Variants in TDRD12 observed in about 807,000 individuals in gnomAD.
TDRD12 encodes putative ATP-dependent RNA helicase TDRD12.
TDRD12 carries 158 observed loss-of-function variants against 133.5 expected under a neutral mutation model. That is an observed-to-expected ratio of 1.18 (90% CI 1.04 to 1.35). The LOEUF is 1.35. Ranked by LOEUF, TDRD12 falls within the 40% of genes most tolerant of loss-of-function variation. TDRD12 has a pLI of 0.00. For synonymous variants in TDRD12, 460 were observed against 477.9 expected, an observed-to-expected ratio of 0.96 and a Z score of 0.49; for missense variants, 1,443 against 1,321.3, an observed-to-expected ratio of 1.09 and a Z score of -1.43.
At chr19:32,780,973 C>T (rs923430193) in intron 11 of TDRD12, among the ~76,000 whole-genome samples, 30 of 139,892 alleles carry the variant, frequency 2.1e-4, no homozygotes, top group East Asian at 2.1e-4. Context: ...GATGGAGTCT[C>T]GCTCTGTTGC....
rs556551443 is a variant in TDRD12 at position 32,786,805 on chromosome 19, A to G, written c.1122-3726A>G. 3.4e-4 allele frequency among the ~76,000 whole-genome samples: 51 copies of G among 152,202 alleles called. 1 individual carries two copies. The highest frequency in any genetic ancestry group is 1.2e-3 in the African/African-American group (49 of 41,508). On this transcript the variant is annotated intron_variant, in intron 11 of 27. Transcript: ENST00000444215. Reference sequence around the variant, plus strand: ...ATTTAAGCTCTTCTCTACACTGGTTATTCTAGTTAGCCATTCATCTGACCT... The same window carrying G: ...ATTTAAGCTCTTCTCTACACTGGTTGTTCTAGTTAGCCATTCATCTGACCT...
intron 4 of TDRD12, 42 bp from the exon 5 acceptor site, chr19:32,748,434 C>G (rs1023228006): frequency 3.9e-6 from 6 of 1,540,630 alleles, no homozygotes; most frequent in African/African-American, 2.8e-5. Flanking sequence ...GTGCTAGCCT[C>G]AGATTTTTAT....
chr19:32,793,761 A>G (rs1971136867), intron 13 of TDRD12, among the ~76,000 whole-genome samples: 1 of 149,290 alleles, frequency 6.7e-6, no homozygotes, highest in African/African-American at 2.5e-5. Flanking sequence ...CATCTATTGG[A>G]TCCTTTTAAT....
At chr19:32,750,071 T>C (rs1969779452) in intron 6 of TDRD12, among the ~76,000 whole-genome samples, 1 of 152,230 alleles carries the variant, frequency 6.6e-6, no homozygotes. Context: ...TGGCATTTTA[T>C]TTAAACATGG....
chr19:32,813,511 T>TAA (rs1279600589), intron 24 of TDRD12, among the ~76,000 whole-genome samples, 173 bp from the exon 25 acceptor site: 6 of 152,206 alleles, frequency 3.9e-5, no homozygotes, highest in Non-Finnish European at 8.8e-5. Context: ...CCTGCCTCAC[T>TAA]AAACTCTGCT....
intron 8 of TDRD12, among the ~76,000 whole-genome samples, chr19:32,763,811 A>G (rs1209285999): frequency 6.6e-6 from 1 of 152,146 alleles, no homozygotes; most frequent in Non-Finnish European, 1.5e-5. Flanking sequence ...CTGGTCCCAT[A>G]GAAGTTTATT....
intron 1 of TDRD12, among the ~76,000 whole-genome samples, chr19:32,726,113 C>T (rs1036883610): frequency 1.5e-4 from 22 of 149,926 alleles, no homozygotes; most frequent in Non-Finnish European, 3.1e-4. Flanking sequence ...CGGAGTCTTG[C>T]TCTGTCGCCC....
chr19:32,763,056 T>G (rs1189432984), intron 8 of TDRD12, among the ~76,000 whole-genome samples: 1 of 152,198 alleles, frequency 6.6e-6, no homozygotes, highest in Non-Finnish European at 1.5e-5. Flanking sequence ...TGCTAGGCAA[T>G]AGGAATTTTT....
At position 32,798,520 on chromosome 19, in the gene TDRD12, G is replaced by T. The variant is rs79074360; in HGVS notation, c.1758+85G>T. The T allele has an allele frequency of 1.7e-3, 1,963 of 1,189,458 alleles. 28 individuals are homozygous for T. The African/African-American group carries it at 0.027, about 16-fold the overall frequency. The allele number at this position is 1,189,458 out of a possible 1,614,324, so 73.7% of individuals were successfully genotyped here. ...ATGGCAGGAAGGAGGAAAAGTGTCTGGTTGGGGAATACATTGGTTAATCTA... is the reference window on the plus strand; with the variant it reads ...ATGGCAGGAAGGAGGAAAAGTGTCTTGTTGGGGAATACATTGGTTAATCTA... On this transcript the variant is annotated intron_variant, in intron 16 of 27. Coordinates refer to ENST00000444215, the Ensembl canonical transcript of TDRD12.
intron 8 of TDRD12, among the ~76,000 whole-genome samples, chr19:32,763,410 G>C (rs540610713): frequency 4.6e-4 from 70 of 152,192 alleles, no homozygotes; most frequent in African/African-American, 1.6e-3. Context: ...CACCTTATGT[G>C]GGACAGGATG....
chr19:32,818,148 G>T (rs1000975435), exon 27 of TDRD12: 10 of 702,018 alleles, frequency 1.4e-5, no homozygotes, highest in Admixed American at 1.0e-4. Context: ...GAGGAGCAGG[G>T]GGGGCAGGGG....
In TDRD12 at chr19:32,772,619, A is replaced by G. The variant is rs576900182; in HGVS notation, c.866-134A>G. 138 of 547,798 alleles carry G rather than the reference A, an allele frequency of 2.5e-4. No homozygotes were observed. In the South Asian group the frequency reaches 4.1e-3, roughly 16 times the overall value. The allele number at this position is 547,798 out of a possible 1,614,324, so 33.9% of individuals were successfully genotyped here. Reference sequence around the variant, plus strand: ...ATCCCCTCGAGTAAGGTTTACTACAAATTCATATTCCATAAAAATTTAACA... The same window carrying G: ...ATCCCCTCGAGTAAGGTTTACTACAGATTCATATTCCATAAAAATTTAACA... On this transcript the variant is annotated intron_variant, in intron 8 of 27. Coordinates refer to ENST00000444215, the Ensembl canonical transcript of TDRD12.
At chr19:32,815,554 A>G in exon 26 of TDRD12, 1 of 1,536,388 alleles carries the variant, frequency 6.5e-7, no homozygotes, top group South Asian at 1.2e-5. Flanking sequence ...GAACACATAG[A>G]ACAACTGAAA....
intron 8 of TDRD12, among the ~76,000 whole-genome samples, chr19:32,761,329 A>C (rs1970144555): frequency 6.6e-6 from 1 of 151,936 alleles, no homozygotes; most frequent in Admixed American, 6.6e-5. Flanking sequence ...ACGGGGTTTC[A>C]CCGTGTTAGC....
At chr19:32,746,389 TGACAGAGAGGGG>T (rs1969629048) in intron 4 of TDRD12, among the ~76,000 whole-genome samples, 1 of 12,232 alleles carries the variant, frequency 8.2e-5, no homozygotes, top group Non-Finnish European at 1.6e-4. Flanking sequence ...ATTCTGTGTG[TGACAGAGAGGGG>T]GAGAGAGACT....
intron 1 of TDRD12, among the ~76,000 whole-genome samples, chr19:32,725,893 G>A (rs1206990781): frequency 6.6e-6 from 1 of 151,896 alleles, no homozygotes; most frequent in East Asian, 1.9e-4. Context: ...TCCTTTGTTA[G>A]TTGTATTCCT....
At chr19:32,792,992 C>T (rs1247784816) in intron 13 of TDRD12, among the ~76,000 whole-genome samples, 1 of 152,086 alleles carries the variant, frequency 6.6e-6, no homozygotes, top group African/African-American at 2.4e-5. Flanking sequence ...TCAAGACCAG[C>T]GTGGGCAACA....
At chr19:32,798,333 C>T in exon 16 of TDRD12, 1 of 1,535,542 alleles carries the variant, frequency 6.5e-7, no homozygotes, top group African/African-American at 1.4e-5. Flanking sequence ...CGACCCCATA[C>T]AGCCTGCTGA....
intron 1 of TDRD12, among the ~76,000 whole-genome samples, chr19:32,721,318 T>G (rs945913779): frequency 6.6e-6 from 1 of 152,176 alleles, no homozygotes; most frequent in Non-Finnish European, 1.5e-5. Flanking sequence ...ACTTTGAAAA[T>G]CACACTTCAG....
Sources: allele counts gnomAD v4.1 joint callset (sites outside exome capture counted in the v4.1 genomes callset), GRCh38; gene constraint gnomAD v4.1.1; transcripts MANE v1.5; gene names NCBI Gene and HGNC (gene_info 2026-07-23, HGNC 2026-07-21).